The following DNAH9 variants were observed in gnomAD, a reference collection of about 807,000 sequenced individuals.
DNAH9 encodes the protein dynein axonemal heavy chain 9, also known as DNAH9 variant protein.
DNAH9 carries 345 observed loss-of-function variants against 471.6 expected under a neutral mutation model. The ratio of observed to expected loss-of-function variants is 0.73; its 90% CI spans 0.67 to 0.80. The LOEUF is 0.80. Among genes scored for constraint, DNAH9 ranks in the 30% least tolerant of loss-of-function variants. DNAH9 has a pLI of 0.00. For synonymous variants in DNAH9, 2,093 were observed against 2,123.6 expected (o/e 0.99, Z 0.40); for missense variants, 5,407 against 5,609.2 (o/e 0.96, Z 1.15).
intron 6 of DNAH9, among the ~76,000 whole-genome samples, chr17:11,621,236 C>A (rs926473083): frequency 1.3e-5 from 2 of 151,692 alleles, no homozygotes; most frequent in African/African-American, 2.4e-5. Flanking sequence ...GGTGAAATCC[C>A]GCCTCTACTA....
chr17:11,636,874 T>C, intron 9 of DNAH9, 90 bp downstream of exon 9: 1 of 1,207,280 alleles, frequency 8.3e-7, no homozygotes, highest in Non-Finnish European at 1.2e-6. Flanking sequence ...TGTCCATGTA[T>C]GGATCCATAC....
intron 38 of DNAH9, among the ~76,000 whole-genome samples, chr17:11,775,586 T>G (rs1433842563): frequency 1.4e-5 from 2 of 141,466 alleles, no homozygotes; most frequent in East Asian, 4.3e-4. Context: ...TTTCTCAAAA[T>G]CAGATGTTCT....
intron 22 of DNAH9, among the ~76,000 whole-genome samples, chr17:11,699,010 G>T (rs2074542798): frequency 2.0e-5 from 3 of 152,202 alleles, no homozygotes; most frequent in Middle Eastern, 3.4e-3. Flanking sequence ...CAGCACTTTG[G>T]GAGGCCAAGG....
intron 59 of DNAH9, 28 bp from the exon 60 acceptor site, chr17:11,902,691 G>A (rs1973452256): frequency 6.3e-7 from 1 of 1,595,996 alleles, no homozygotes; most frequent in Non-Finnish European, 8.6e-7. Context: ...TGGAGAAACT[G>A]CATTTCAGAT....
intron 29 of DNAH9, among the ~76,000 whole-genome samples, chr17:11,739,519 A>G (rs915848277): frequency 2.0e-5 from 3 of 152,096 alleles, no homozygotes; most frequent in African/African-American, 7.2e-5. Context: ...CGTATGTATG[A>G]TTATTTTCCT....
chr17:11,837,998 G>A (rs1970902541), intron 49 of DNAH9, among the ~76,000 whole-genome samples: 1 of 152,026 alleles, frequency 6.6e-6, no homozygotes, highest in African/African-American at 2.4e-5. Flanking sequence ...AAATAATAAA[G>A]GCATTCATTA....
intron 68 of DNAH9, among the ~76,000 whole-genome samples, chr17:11,964,203 C>T (rs1036625031): frequency 2.0e-5 from 3 of 152,164 alleles, no homozygotes; most frequent in East Asian, 1.9e-4. Flanking sequence ...TCCCTCTCTC[C>T]ACCTGAACAT....
intron 61 of DNAH9, among the ~76,000 whole-genome samples, chr17:11,921,244 T>C (rs78336710): frequency 7.3e-5 from 6 of 82,602 alleles, no homozygotes; most frequent in Admixed American, 1.3e-4. Context: ...AAAAAGGTGA[T>C]TTTTTTTTTT....
intron 10 of DNAH9, among the ~76,000 whole-genome samples, chr17:11,640,969 C>T (rs992903233): frequency 3.3e-5 from 5 of 152,106 alleles, no homozygotes; most frequent in Admixed American, 6.5e-5. Flanking sequence ...ATAGAAGCAA[C>T]TCAGCTGCTA....
At chr17:11,869,316 A>G in intron 51 of DNAH9, 63 bp downstream of exon 51, 1 of 1,595,796 alleles carries the variant, frequency 6.3e-7, no homozygotes, top group Non-Finnish European at 8.5e-7. Context: ...AATGCCGTGG[A>G]GGTGCAAGAT....
At chr17:11,676,641 A>C (rs1385650556) in intron 17 of DNAH9, among the ~76,000 whole-genome samples, 1 of 152,050 alleles carries the variant, frequency 6.6e-6, no homozygotes, top group Non-Finnish European at 1.5e-5. Context: ...ACACAAAAAA[A>C]CTATCTAATA....
intron 36 of DNAH9, 117 bp downstream of exon 36, chr17:11,763,731 C>A: frequency 2.0e-6 from 2 of 1,017,144 alleles, no homozygotes; most frequent in Non-Finnish European, 2.9e-6. Context: ...TTGAAAGCAG[C>A]AAACTATTTA....
At chr17:11,638,428 A>G (rs749444599) in intron 9 of DNAH9, among the ~76,000 whole-genome samples, 3 of 152,042 alleles carry the variant, frequency 2.0e-5, no homozygotes, top group Non-Finnish European at 4.4e-5. Context: ...TCTATTGCCC[A>G]GACTGGAGTG....
Position 11,651,058 on chromosome 17 carries a change from C to CT in DNAH9, c.2098-7dup, listed in dbSNP as rs1567691181. On this transcript the variant is annotated splice_polypyrimidine_tract_variant and intron_variant, in intron 12 of 68. Coordinates refer to ENST00000262442, the MANE Select transcript of DNAH9 (RefSeq NM_001372.4). ...TGAACGACAGACACTTGTGTTGCTT[C>CT]TTTTCTCCAGCTGATTTCAGTGCTG... 6.2e-7 allele frequency: 1 copy of CT among 1,611,174 alleles called. No individual in the cohort carries two copies. Among genetic ancestry groups the CT allele is most frequent in the African/African-American group, 1.3e-5 (1 of 74,904 alleles).
chr17:11,942,259 G>A (rs902091567), intron 66 of DNAH9, 44 bp from the exon 67 acceptor site: 13 of 1,597,360 alleles, frequency 8.1e-6, no homozygotes, highest in South Asian at 6.8e-5. Flanking sequence ...TCCTTCTGGA[G>A]AATAGAGCCC....
At chr17:11,813,852 A>G (rs1036056000) in intron 45 of DNAH9, among the ~76,000 whole-genome samples, 1 of 152,234 alleles carries the variant, frequency 6.6e-6, no homozygotes, top group Non-Finnish European at 1.5e-5. Flanking sequence ...ATAGATGGAC[A>G]TGAAGAAATC....
At chr17:11,880,777 C>T (rs909380281) in intron 54 of DNAH9, among the ~76,000 whole-genome samples, 3 of 152,156 alleles carry the variant, frequency 2.0e-5, no homozygotes, top group Non-Finnish European at 4.4e-5. Context: ...GTCCTCAAGT[C>T]GTGCTCGTTT....
chr17:11,897,866 G>A (rs1400545905), intron 59 of DNAH9, among the ~76,000 whole-genome samples: 1 of 152,216 alleles, frequency 6.6e-6, no homozygotes, highest in East Asian at 1.9e-4. Context: ...ACAATGGAGT[G>A]GCTTAAAACA....
Position 11,608,290 on chromosome 17 carries a change from A to G in DNAH9, c.579A>G (p.Glu193=). 1.2e-6 allele frequency: 2 copies of G among 1,612,690 alleles called. No homozygotes were observed. The highest frequency in any genetic ancestry group is 1.1e-5 in the South Asian group (1 of 91,044). The stretch of plus-strand genomic sequence containing the variant: ...TGCTGCCTCTTCCAGCAGGCTCAGA[A>G]AAAATGGAGTTTGCGGATTCCAAAA... The part of the protein sequence containing the change: ...KTLLPLPAGS[E]KMEFADSKSE... The change falls in exon 2 of 69, where the codon GAA becomes GAG. Residue 193 remains glutamate (E), a synonymous_variant. Transcript: ENST00000262442.
Sources: allele counts gnomAD v4.1 joint callset (sites outside exome capture counted in the v4.1 genomes callset), GRCh38; gene constraint gnomAD v4.1.1; transcripts MANE v1.5; gene names NCBI Gene and HGNC (gene_info 2026-07-23, HGNC 2026-07-21).